The following BICRA variants were observed in gnomAD, a reference collection of about 807,000 sequenced individuals.
The protein encoded by BICRA is BRD4 interacting chromatin remodeling complex associated protein, also known as BRD4-interacting chromatin-remodeling complex-associated protein.
BICRA carries 31 observed loss-of-function variants against 96.9 expected under a neutral mutation model. That is an observed-to-expected ratio of 0.32 (90% CI 0.24 to 0.43). BICRA has a LOEUF of 0.43. Among genes scored for constraint, BICRA ranks in the 20% least tolerant of loss-of-function variants. The probability of loss-of-function intolerance (pLI) is 1.00; values close to 1 mark genes in which losing one functional copy is unlikely to be tolerated. For synonymous variants in BICRA, 1,350 were observed against 1,071.8 expected (o/e 1.26, Z -5.07); for missense variants, 2,283 against 2,190.3 (o/e 1.04, Z -0.84).
At chr19:47,686,784 T>TTTTTGCAAGCTACC (rs1291714510) in intron 7 of BICRA, among the ~76,000 whole-genome samples, 12 of 152,266 alleles carry the variant, frequency 7.9e-5, no homozygotes, top group African/African-American at 2.6e-4. Context: ...TTTGGGGGTT[T>TTTTTGCAAGCTACC]TTTTGCAAGC....
chr19:47,699,024 A>G lies in BICRA; in HGVS notation c.3457A>G (p.Asn1153Asp). The G allele has an allele frequency of 1.3e-6, 2 of 1,584,834 alleles. No homozygotes were observed. The highest frequency in any genetic ancestry group is 2.3e-5 in the South Asian group (2 of 86,458). Reference protein sequence around the residue: ...QLLKRTQAMLNKYRLLLLEES... With the variant: ...QLLKRTQAMLDKYRLLLLEES... ...GCTGAAACGCACCCAGGCCATGCTC[A>G]ATAAATATCGGCTCCTGCTCCTGGA... is the stretch of plus-strand genomic sequence containing the variant. Residue 1153 changes from asparagine (N) to aspartate (D), a missense_variant, in exon 13 of 15, where the codon AAT becomes GAT. Transcript: ENST00000594866. This position sits in a 1 kb window ranked among gnomAD's most constrained non-coding sequence, Gnocchi z 5.0.
intron 1 of BICRA, among the ~76,000 whole-genome samples, chr19:47,649,511 C>T (rs191283049): frequency 6.6e-6 from 1 of 152,298 alleles, no homozygotes; most frequent in East Asian, 1.9e-4. Flanking sequence ...TCCCCACTCA[C>T]CTGCCACTGT....
intron 1 of BICRA, among the ~76,000 whole-genome samples, chr19:47,644,811 A>G (rs1458856626): frequency 6.6e-6 from 1 of 152,088 alleles, no homozygotes; most frequent in Admixed American, 6.6e-5. Context: ...TTCATTCCAT[A>G]TGCTTTTATT....
intron 1 of BICRA, among the ~76,000 whole-genome samples, chr19:47,614,462 C>G (rs1474359291): frequency 1.3e-5 from 2 of 152,092 alleles, no homozygotes; most frequent in African/African-American, 2.4e-5. Context: ...CCTAAAAATA[C>G]AAAAATGAGC....
At chr19:47,647,570 C>G (rs1972478449) in intron 1 of BICRA, among the ~76,000 whole-genome samples, 1 of 152,090 alleles carries the variant, frequency 6.6e-6, no homozygotes, top group Non-Finnish European at 1.5e-5. Flanking sequence ...ACAGTAGGTC[C>G]TGTTAGGTAA....
chr19:47,694,758 A>G, intron 8 of BICRA, 32 bp downstream of exon 8: 1 of 1,178,904 alleles, frequency 8.5e-7, no homozygotes, highest in South Asian at 1.4e-5. Flanking sequence ...CCGCCCCATC[A>G]GCCCCATCCC....
At chr19:47,684,252 G>A (rs1329874709) in intron 7 of BICRA, among the ~76,000 whole-genome samples, 3 of 151,980 alleles carry the variant, frequency 2.0e-5, no homozygotes, top group East Asian at 3.9e-4. Context: ...GCAAGATCTC[G>A]GCTCGCTGCA....
chr19:47,665,661 A>C (rs1972767816), intron 1 of BICRA, among the ~76,000 whole-genome samples: 2 of 151,834 alleles, frequency 1.3e-5, no homozygotes, highest in Admixed American at 1.3e-4. Context: ...TTTAATCTTC[A>C]TGTGTGTCTT....
intron 1 of BICRA, among the ~76,000 whole-genome samples, chr19:47,654,445 T>C (rs781247108): frequency 6.6e-6 from 1 of 152,178 alleles, no homozygotes; most frequent in Non-Finnish European, 1.5e-5. Flanking sequence ...TGTTTACTAC[T>C]GATGGCCAGT....
chr19:47,628,986 T>G (rs1972179866), intron 1 of BICRA, among the ~76,000 whole-genome samples: 1 of 151,972 alleles, frequency 6.6e-6, no homozygotes, highest in Non-Finnish European at 1.5e-5. Context: ...CTTTTTCATC[T>G]TGCCCAACTG....
chr19:47,629,369 A>G (rs1972186862), intron 1 of BICRA, among the ~76,000 whole-genome samples: 2 of 152,192 alleles, frequency 1.3e-5, no homozygotes, highest in African/African-American at 2.4e-5. Flanking sequence ...CCTCCATTCA[A>G]CTTTCTGTCT....
At chr19:47,625,917 A>G (rs891754489) in intron 1 of BICRA, among the ~76,000 whole-genome samples, 3 of 152,086 alleles carry the variant, frequency 2.0e-5, no homozygotes, top group African/African-American at 7.2e-5. Context: ...CTTGCTCGAC[A>G]TGGAGAGGCG....
intron 10 of BICRA, among the ~76,000 whole-genome samples, chr19:47,695,734 C>T (rs912893009): frequency 1.3e-5 from 2 of 151,942 alleles, no homozygotes; most frequent in African/African-American, 2.4e-5. Flanking sequence ...GTGTAAGGGA[C>T]TATGACTGGG....
chr19:47,631,262 C>CT (rs1255520831), intron 1 of BICRA, among the ~76,000 whole-genome samples: 4 of 152,108 alleles, frequency 2.6e-5, no homozygotes, highest in African/African-American at 7.2e-5. Context: ...GAGTCATACT[C>CT]TGTCACCCAG....
At chr19:47,634,977 T>C (rs1448267867) in intron 1 of BICRA, among the ~76,000 whole-genome samples, 2 of 152,040 alleles carry the variant, frequency 1.3e-5, no homozygotes, top group Non-Finnish European at 2.9e-5. Flanking sequence ...TTAGCCAAGA[T>C]GGTCTCGATC....
intron 5 of BICRA, among the ~76,000 whole-genome samples, chr19:47,676,666 C>A (rs548097821): frequency 8.4e-4 from 124 of 148,026 alleles, no homozygotes; most frequent in Non-Finnish European, 1.4e-3. Flanking sequence ...ACTTATTATA[C>A]GACCAGCCCT....
intron 1 of BICRA, among the ~76,000 whole-genome samples, chr19:47,668,440 C>G (rs1017258793): frequency 1.3e-5 from 2 of 150,700 alleles, no homozygotes; most frequent in Admixed American, 1.3e-4. Flanking sequence ...AAAGCAGTGT[C>G]GTTTTTGCAA....
In BICRA at chr19:47,673,550, C is replaced by T. The variant is rs1016597804; in HGVS notation, c.-5-20C>T. 5 of 1,608,750 alleles carry T rather than the reference C, an allele frequency of 3.1e-6. No individual in the cohort carries two copies. The highest frequency in any genetic ancestry group is 4.3e-6 in the Non-Finnish European group (5 of 1,175,250). ...CTAACCTTGTCTCCCTCGCCCTCTT[C>T]CTGACCCCACCCCATCCAGTGGCGA... is the stretch of plus-strand genomic sequence containing the variant. On this transcript the variant is annotated intron_variant, in intron 2 of 14. Coordinates refer to ENST00000594866, the MANE Select transcript of BICRA (RefSeq NM_001394372.1).
chr19:47,689,782 C>T (rs1368218161), intron 7 of BICRA, among the ~76,000 whole-genome samples: 2 of 152,200 alleles, frequency 1.3e-5, no homozygotes, highest in East Asian at 1.9e-4. Context: ...ATATGGTTTA[C>T]GTTTCTCTCC....
Sources: allele counts gnomAD v4.1 joint callset (sites outside exome capture counted in the v4.1 genomes callset), GRCh38; gene constraint gnomAD v4.1.1; non-coding constraint Gnocchi (gnomAD v3.1); transcripts MANE v1.5; gene names NCBI Gene and HGNC (gene_info 2026-07-23, HGNC 2026-07-21).